The following ANKRD30BL variants were observed in gnomAD, a reference collection of about 807,000 sequenced individuals.
ANKRD30BL encodes ankyrin repeat domain 30B like.
In ANKRD30BL, 20 loss-of-function variants were observed where a neutral mutation model predicts 18.4. The ratio of observed to expected loss-of-function variants is 1.09; its 90% CI spans 0.77 to 1.58. The LOEUF is 1.58. Among genes scored for constraint, ANKRD30BL ranks in the 40% most tolerant of loss-of-function variants. The pLI is 0.00. For missense variants in ANKRD30BL, 224 were observed against 268.6 expected (o/e 0.83, Z 1.16); for synonymous variants, 72 against 100.9 (o/e 0.71, Z 1.72).
intron 1 of ANKRD30BL, among the ~76,000 whole-genome samples, chr2:132,245,591 C>A (rs536548784): frequency 1.5e-3 from 222 of 152,146 alleles, no homozygotes; most frequent in African/African-American, 5.1e-3. Flanking sequence ...CACTTTGAGG[C>A]GTATGGTGAA....
At chr2:132,207,069 G>A (rs1455347961) in intron 1 of ANKRD30BL, among the ~76,000 whole-genome samples, 1 of 151,986 alleles carries the variant, frequency 6.6e-6, no homozygotes, top group Non-Finnish European at 1.5e-5. Flanking sequence ...TAATTATACA[G>A]CATCTGCAAA....
chr2:132,150,647 A>G (rs1687733363), intron 5 of ANKRD30BL, among the ~76,000 whole-genome samples: 1 of 151,998 alleles, frequency 6.6e-6, no homozygotes, highest in Non-Finnish European at 1.5e-5. Flanking sequence ...AAAGTATTAT[A>G]TAGGATATTA....
chr2:132,194,195 T>G (rs1678918600), intron 1 of ANKRD30BL, among the ~76,000 whole-genome samples: 1 of 152,182 alleles, frequency 6.6e-6, no homozygotes, highest in Non-Finnish European at 1.5e-5. Context: ...CTAGAGTTGG[T>G]CTCATTAACC....
intron 4 of ANKRD30BL, among the ~76,000 whole-genome samples, chr2:132,151,999 T>G (rs1220185096): frequency 2.6e-5 from 4 of 152,070 alleles, no homozygotes; most frequent in African/African-American, 9.7e-5. Flanking sequence ...CCTACCTTTA[T>G]TTTTTGTAAG....
At chr2:132,215,969 C>T (rs1679487237) in intron 1 of ANKRD30BL, among the ~76,000 whole-genome samples, 1 of 151,996 alleles carries the variant, frequency 6.6e-6, no homozygotes, top group African/African-American at 2.4e-5. Flanking sequence ...CTTTGAAACA[C>T]TCTTTTTGTA....
intron 1 of ANKRD30BL, among the ~76,000 whole-genome samples, chr2:132,191,997 G>A (rs903684257): frequency 2.6e-5 from 4 of 151,958 alleles, no homozygotes; most frequent in African/African-American, 9.7e-5. Flanking sequence ...ACCCACCTTG[G>A]CCTTCCAAAG....
upstream of ANKRD30BL, among the ~76,000 whole-genome samples, chr2:132,163,286 A>G (rs1558915949): frequency 6.6e-6 from 1 of 152,094 alleles, no homozygotes; most frequent in Non-Finnish European, 1.5e-5. Context: ...CTTTATCTCT[A>G]TAAAAATAAA....
At chr2:132,156,427 A>T (rs1209498848) in intron 3 of ANKRD30BL, 1 of 152,174 alleles carries the variant, frequency 6.6e-6, no homozygotes, top group East Asian at 1.9e-4. Context: ...ATGTACTATG[A>T]GAGAGGAATT....
At chr2:132,175,644 C>A (rs1045542015) in intron 1 of ANKRD30BL, among the ~76,000 whole-genome samples, 1 of 152,202 alleles carries the variant, frequency 6.6e-6, no homozygotes, top group Admixed American at 6.5e-5. Flanking sequence ...TCCCATGAGG[C>A]CATATTTCAG....
At chr2:132,225,104 G>A (rs941045201) in intron 1 of ANKRD30BL, among the ~76,000 whole-genome samples, 1 of 152,048 alleles carries the variant, frequency 6.6e-6, no homozygotes, top group Non-Finnish European at 1.5e-5. Context: ...GAATCTGCAA[G>A]TGGATATTTG....
intron 1 of ANKRD30BL, among the ~76,000 whole-genome samples, chr2:132,173,393 G>A (rs1197401995): frequency 6.7e-6 from 1 of 149,564 alleles, no homozygotes; most frequent in Non-Finnish European, 1.5e-5. Context: ...TCTGCCTCCT[G>A]GGTTCATGCC....
chr2:132,226,312 C>A (rs999767679), intron 1 of ANKRD30BL, among the ~76,000 whole-genome samples: 6 of 134,318 alleles, frequency 4.5e-5, no homozygotes, highest in South Asian at 4.3e-4. Context: ...CAAGTGGATT[C>A]TTGGAGCGCT....
chr2:132,218,904 ACT>A (rs1442647929), intron 1 of ANKRD30BL, among the ~76,000 whole-genome samples: 1 of 151,490 alleles, frequency 6.6e-6, no homozygotes, highest in African/African-American at 2.4e-5. Flanking sequence ...GATTTTAAAC[ACT>A]CTTTTTGTGG....
rs1386587133 is a variant in ANKRD30BL, at chr2:132,161,508, G to A, written c.198C>T (p.Asn66=). 6.2e-6 allele frequency: 9 copies of A among 1,456,676 alleles called. No homozygotes were observed. The highest frequency in any genetic ancestry group is 8.5e-6 in the Non-Finnish European group (9 of 1,063,340). 90.2% of individuals were successfully genotyped at this position (1,456,676 alleles called of 1,614,324 possible). ...GGTACCTCTTCTTCGCATCTCTTAT[G>A]TTCAGGTCCATTGTCGTCTTCTTCA... ...RMMKKTTMDL[N]IRDAKKRTAL... is the part of the protein sequence containing the mutation. Residue 66 remains asparagine, a synonymous_variant, in exon 1 of 6, where the codon AAC becomes AAT. Coordinates refer to ENST00000409867, the MANE Select transcript of ANKRD30BL (RefSeq NM_001358416.1).
intron 1 of ANKRD30BL, among the ~76,000 whole-genome samples, chr2:132,248,190 C>T (rs376318018): frequency 6.6e-6 from 1 of 151,346 alleles, no homozygotes; most frequent in Non-Finnish European, 1.5e-5. Context: ...TCAATCAAAA[C>T]AAAGGTTCGA....
chr2:132,220,696 C>T (rs908245859), intron 1 of ANKRD30BL, among the ~76,000 whole-genome samples: 7 of 152,074 alleles, frequency 4.6e-5, no homozygotes, highest in Admixed American at 1.3e-4. Flanking sequence ...AGTGCAGTGG[C>T]GTGATCTCGG....
intron 1 of ANKRD30BL, among the ~76,000 whole-genome samples, chr2:132,183,862 G>C (rs1356907426): frequency 1.3e-5 from 2 of 151,982 alleles, no homozygotes; most frequent in African/African-American, 4.8e-5. Context: ...TAGTGGTATT[G>C]AATTAATGGT....
intron 1 of ANKRD30BL, among the ~76,000 whole-genome samples, chr2:132,239,713 A>G (rs537612201): frequency 7.9e-5 from 12 of 151,882 alleles, no homozygotes; most frequent in Non-Finnish European, 4.4e-5. Context: ...AGAGTTGAAC[A>G]TTCCCTTTCA....
intron 1 of ANKRD30BL, among the ~76,000 whole-genome samples, chr2:132,221,204 C>T (rs1329436445): frequency 1.4e-5 from 2 of 142,950 alleles, no homozygotes; most frequent in South Asian, 2.1e-4. Flanking sequence ...GGGGGGTCAG[C>T]CCCCCGCCCG....
Sources: allele counts gnomAD v4.1 joint callset (sites outside exome capture counted in the v4.1 genomes callset), GRCh38; gene constraint gnomAD v4.1.1; transcripts MANE v1.5; gene names NCBI Gene and HGNC (gene_info 2026-07-23, HGNC 2026-07-21).